The following BBS12 variants were observed in gnomAD, a reference collection of about 807,000 sequenced individuals.
The protein encoded by BBS12 is chaperonin-containing T-complex member BBS12.
A neutral mutation model predicts 5.6 loss-of-function variants in BBS12; 5 were observed. The ratio of observed to expected loss-of-function variants is 0.89; its 90% confidence interval spans 0.46 to 1.86. BBS12 has a LOEUF of 1.86. Among genes scored for constraint, BBS12 ranks in the 40% most tolerant of loss-of-function variants. The pLI is 0.01. For synonymous variants in BBS12, 308 were observed against 306.8 expected (o/e 1.00, Z -0.04); for missense variants, 748 against 830.4 (o/e 0.90, Z 1.22).
chr4:122,734,241 G>A (rs1800751286), intron 1 of BBS12: 1 of 151,860 alleles, frequency 6.6e-6, no homozygotes, highest in African/African-American at 2.4e-5. Context: ...CACTTGGAAA[G>A]TTGCTCTTGA....
rs748545842 is a variant in BBS12, at chr4:122,742,379, G to A, written c.487G>A (p.Val163Ile). The A allele has an allele frequency of 6.2e-7, 1 of 1,614,092 alleles. No individual in the cohort carries two copies. The highest frequency in any genetic ancestry group is 1.7e-5 in the Admixed American group (1 of 60,012). ...FSVSLCPFLQ[V>I]PSDTDLIEEL... Reference sequence around the variant, plus strand: ...TGTAAGTTTGTGTCCTTTTCTACAGGTCCCTTCAGATACTGATTTGATAGA... The same window carrying A: ...TGTAAGTTTGTGTCCTTTTCTACAGATCCCTTCAGATACTGATTTGATAGA... Residue 163 changes from valine to isoleucine, a missense_variant, in exon 2 of 2, where the codon GTC (valine) becomes ATC (isoleucine). Coordinates refer to ENST00000314218, the MANE Select transcript of BBS12 (RefSeq NM_152618.3).
intron 1 of BBS12, among the ~76,000 whole-genome samples, chr4:122,739,801 C>A (rs900909243): frequency 3.3e-5 from 5 of 152,230 alleles, no homozygotes; most frequent in African/African-American, 1.2e-4. Flanking sequence ...TGTCTCTCCC[C>A]TACATGTTTA....
rs1350267494 is a variant in BBS12, at chr4:122,732,778, G to C, written c.-117G>C. 6.6e-6 allele frequency: 1 copy of C among 152,434 alleles called. No homozygotes were observed. Among genetic ancestry groups the C allele is most frequent in the African/African-American group, 2.4e-5 (1 of 41,452 alleles). The allele number at this position is 152,434 out of a possible 1,614,324, so 9.4% of individuals were successfully genotyped here. ...GCGCAAACTGCGGACGGGGAACTGG[G>C]CTCCCTAGCCCTGGCGTTTTTGGTG... On this transcript the variant is annotated 5_prime_UTR_variant, in exon 1 of 2. Coordinates refer to ENST00000314218, the MANE Select transcript of BBS12 (RefSeq NM_152618.3).
chr4:122,710,863 G>A, the BBS12 span, among the ~76,000 whole-genome samples: 1 of 152,018 alleles, frequency 6.6e-6, no homozygotes, highest in Admixed American at 6.6e-5. Context: ...CTCGTATTTG[G>A]TCCTTCAGAC....
At chr4:122,733,376 A>AACACACACACACACACAC (rs3034555) in intron 1 of BBS12, among the ~76,000 whole-genome samples, 46 of 88,174 alleles carry the variant, frequency 5.2e-4, no homozygotes, top group South Asian at 1.3e-3. Context: ...CTCCAACCCC[A>AACACACACACACACACAC]ACACACACAC....
At chr4:122,727,617 G>A in the BBS12 span, among the ~76,000 whole-genome samples, 75 of 139,560 alleles carry the variant, frequency 5.4e-4, no homozygotes, top group African/African-American at 2.0e-3. Context: ...GCAATGATGC[G>A]ATCTCTGCTC....
Position 122,743,791 on chromosome 4 carries a change from A to G in BBS12, c.1899A>G (p.Ser633=), listed in dbSNP as rs892531107. Residue 633 remains serine, a synonymous_variant, in exon 2 of 2, where the codon TCA becomes TCG. Coordinates refer to ENST00000314218, the MANE Select transcript of BBS12 (RefSeq NM_152618.3). ...ATGCCACAGACTCTGGCTCTCCTTC[A>G]TCTTACATCTTGAATGAATATAGTA... The part of the protein sequence containing the change: ...LQNATDSGSP[S]SYILNEYSKL... The G allele has an allele frequency of 3.7e-6, 6 of 1,613,608 alleles. No individual in the cohort carries two copies. Among genetic ancestry groups the G allele is most frequent in the Non-Finnish European group, 4.2e-6 (5 of 1,179,852 alleles).
the BBS12 span, among the ~76,000 whole-genome samples, chr4:122,711,693 T>C: frequency 3.9e-5 from 6 of 152,208 alleles, no homozygotes; most frequent in Non-Finnish European, 8.8e-5. Context: ...TGGATAGTTG[T>C]ATCATGTTAG....
chr4:122,707,563 A>T, the BBS12 span, among the ~76,000 whole-genome samples: 1 of 152,124 alleles, frequency 6.6e-6, no homozygotes, highest in African/African-American at 2.4e-5. Flanking sequence ...CTGTGTATCT[A>T]CTACCAAAAC....
chr4:122,706,367 C>A, the BBS12 span, among the ~76,000 whole-genome samples: 9 of 152,280 alleles, frequency 5.9e-5, no homozygotes, highest in Non-Finnish European at 1.3e-4. Flanking sequence ...GGGAGTTGTG[C>A]AGATTTTTAA....
At position 122,743,411 on chromosome 4, in the gene BBS12, C is replaced by T. The variant is rs770698414; in HGVS notation, c.1519C>T (p.Pro507Ser). The T allele has an allele frequency of 1.2e-6, 2 of 1,614,162 alleles. No homozygotes were observed. Among genetic ancestry groups the T allele is most frequent in the South Asian group, 1.1e-5 (1 of 91,076 alleles). Residue 507 changes from proline (P) to serine (S), a missense_variant, in exon 2 of 2, where the codon CCA becomes TCA. Physicochemically the swap from Pro to Ser is moderately conservative, Grantham distance 74. Coordinates refer to ENST00000314218, the MANE Select transcript of BBS12 (RefSeq NM_152618.3). The stretch of plus-strand genomic sequence containing the variant: ...TTTGGTTACGGCCGTGCTCACTAAC[C>T]CAGTTACTGCACAGATGCAAATCAA... Reference protein sequence around the residue: ...INLVTAVLTNPVTAQMQIKED... With the variant: ...INLVTAVLTNSVTAQMQIKED...
At chr4:122,716,647 G>A in the BBS12 span, among the ~76,000 whole-genome samples, 11,993 of 82,496 alleles carry the variant, frequency 0.15, 1,418 homozygotes, top group Non-Finnish European at 0.18. Flanking sequence ...ATACACACGT[G>A]TGTGTATATG....
chr4:122,725,287 A>G, the BBS12 span, among the ~76,000 whole-genome samples: 1 of 152,188 alleles, frequency 6.6e-6, no homozygotes, highest in Non-Finnish European at 1.5e-5. Context: ...TGGAACCACA[A>G]AAGAGCCCGC....
chr4:122,726,315 G>GA, the BBS12 span, among the ~76,000 whole-genome samples: 17 of 152,110 alleles, frequency 1.1e-4, no homozygotes, highest in Non-Finnish European at 2.4e-4. Flanking sequence ...ATAAACATAT[G>GA]AAAAAATGCT....
chr4:122,703,645 G>C, the BBS12 span, among the ~76,000 whole-genome samples: 2 of 152,178 alleles, frequency 1.3e-5, no homozygotes, highest in South Asian at 2.1e-4. Context: ...TGGTGCTTCT[G>C]TCTCTGTTGG....
In BBS12 at chr4:122,742,771, A is replaced by G. The variant is rs981575853; in HGVS notation, c.879A>G (p.Gln293=). ...TAGTAGAAGAAGCAGTACAGCTGCA[A>G]TATCAGAATGCTTGTGTGCAACAAG... ...MKLVEEAVQL[Q]YQNACVQQGN... is the part of the protein sequence containing the mutation. Residue 293 remains glutamine (Q), a synonymous_variant, in exon 2 of 2, where the codon CAA becomes CAG. Transcript: ENST00000314218. 5.0e-6 allele frequency: 8 copies of G among 1,614,148 alleles called. No individual in the cohort carries two copies. Among genetic ancestry groups the G allele is most frequent in the African/African-American group, 2.7e-5 (2 of 74,956 alleles).
chr4:122,744,105 G>T lies in BBS12; in HGVS notation c.*80G>T. 1.4e-6 allele frequency: 2 copies of T among 1,446,812 alleles called. No homozygotes were observed. Among genetic ancestry groups the T allele is most frequent in the South Asian group, 1.2e-5 (1 of 85,292 alleles). The allele number at this position is 1,446,812 out of a possible 1,614,324, so 89.6% of individuals were successfully genotyped here. On this transcript the variant is annotated 3_prime_UTR_variant, in exon 2 of 2. Coordinates refer to ENST00000314218, the MANE Select transcript of BBS12 (RefSeq NM_152618.3). ...TAAATATATTGATAGCCAAGTCATG[G>T]TGCCTAAAATGCCAGCTATTGCCAA... is the stretch of plus-strand genomic sequence containing the variant.
chr4:122,719,268 C>CAATCAGCACTCTGTAAAATGGACT, the BBS12 span, among the ~76,000 whole-genome samples: 1 of 152,054 alleles, frequency 6.6e-6, no homozygotes, highest in African/African-American at 2.4e-5. Flanking sequence ...GTAAATGCAC[C>CAATCAGCACTCTGTAAAATGGACT]AATCAGCACT....
the BBS12 span, among the ~76,000 whole-genome samples, chr4:122,724,540 CCTGA>C: frequency 1.3e-5 from 2 of 152,132 alleles, no homozygotes; most frequent in African/African-American, 2.4e-5. Context: ...TCTGCCTTTA[CCTGA>C]CTGTGAAACC....
Sources: allele counts gnomAD v4.1 joint callset (sites outside exome capture counted in the v4.1 genomes callset), GRCh38; gene constraint gnomAD v4.1.1; transcripts MANE v1.5; gene names NCBI Gene and HGNC (gene_info 2026-07-23, HGNC 2026-07-21).